Variants in C8orf34 observed in about 807,000 individuals in gnomAD.
C8orf34 encodes chromosome 8 open reading frame 34, also known as uncharacterized protein C8orf34.
Under a neutral mutation model 68.3 loss-of-function variants are expected in C8orf34, and 65 were observed. The ratio of observed to expected loss-of-function variants is 0.95; its 90% CI spans 0.78 to 1.17. C8orf34 has a LOEUF of 1.17. C8orf34 is among the 50% of genes most tolerant of loss of function. C8orf34 has a pLI of 0.00. For missense variants in C8orf34, 664 were observed against 655.4 expected, an observed-to-expected ratio of 1.01 and a Z score of -0.14; for synonymous variants, 244 against 241.2, an observed-to-expected ratio of 1.01 and a Z score of -0.11.
chr8:68,736,129 A>C (rs901800340), intron 10 of C8orf34, among the ~76,000 whole-genome samples: 1 of 152,200 alleles, frequency 6.6e-6, no homozygotes, highest in Non-Finnish European at 1.5e-5. Context: ...AAAGCATAAC[A>C]TCCTCATTTT....
At chr8:68,791,202 A>G in intron 12 of C8orf34, 2 of 393,610 alleles carry the variant, frequency 5.1e-6, no homozygotes, top group Non-Finnish European at 9.0e-6. Context: ...GGGAGGCCTC[A>G]GGAAACTTAC....
At chr8:68,785,207 A>G (rs1823811479) in intron 11 of C8orf34, among the ~76,000 whole-genome samples, 1 of 151,446 alleles carries the variant, frequency 6.6e-6, no homozygotes, top group Non-Finnish European at 1.5e-5. Flanking sequence ...CTGTCTCAGA[A>G]AAAAAAAAGA....
intron 7 of C8orf34, among the ~76,000 whole-genome samples, chr8:68,605,066 C>G (rs1817815727): frequency 1.3e-5 from 2 of 152,200 alleles, no homozygotes; most frequent in South Asian, 4.1e-4. Flanking sequence ...AGATACCTCA[C>G]CAAGGAAGAC....
In C8orf34 at chr8:68,533,034, T is replaced by C. The variant is rs935801215; in HGVS notation, c.990T>C (p.His330=). The change falls in exon 7 of 14, where the codon CAT becomes CAC. Residue 330 remains histidine, a synonymous_variant. Transcript: ENST00000518698. ...NKGLKQQQQQ[H]KKLLAAMLSQ... ...GATTAAAACAGCAGCAACAGCAACA[T>C]AAGAAACTCCTGGCCGCAATGCTCT... is the stretch of plus-strand genomic sequence containing the variant. 2.5e-6 allele frequency: 4 copies of C among 1,610,538 alleles called. No individual in the cohort carries two copies. The African/African-American group carries it at 4.0e-5, about 16-fold the overall frequency.
chr8:68,775,417 G>GT (rs1241389214), intron 10 of C8orf34, among the ~76,000 whole-genome samples: 1 of 152,134 alleles, frequency 6.6e-6, no homozygotes, highest in East Asian at 1.9e-4. Context: ...GCACCAAGTT[G>GT]TTTGACAATT....
At chr8:68,534,021 A>C (rs571589646) in intron 7 of C8orf34, 1 of 973,602 alleles carries the variant, frequency 1.0e-6, no homozygotes, top group African/African-American at 1.8e-5. Context: ...AGAATATGGA[A>C]TCTCAGAAAA....
chr8:68,686,097 A>G (rs965052289), intron 8 of C8orf34, among the ~76,000 whole-genome samples: 10 of 152,008 alleles, frequency 6.6e-5, no homozygotes, highest in African/African-American at 2.4e-4. Context: ...AGAAATAGAC[A>G]GACAAATAAC....
chr8:68,494,898 C>CTCTCAAAAAATATATATATA (rs1291459749), intron 5 of C8orf34, among the ~76,000 whole-genome samples: 4 of 150,530 alleles, frequency 2.7e-5, no homozygotes, highest in Admixed American at 1.3e-4. Flanking sequence ...ATATATATCT[C>CTCTCAAAAAATATATATATA]TCTCAAAAAA....
chr8:68,507,533 A>G (rs1814077054), intron 5 of C8orf34, among the ~76,000 whole-genome samples: 1 of 152,180 alleles, frequency 6.6e-6, no homozygotes, highest in African/African-American at 2.4e-5. Flanking sequence ...AATTGCACCT[A>G]GAGAGTGGGA....
chr8:68,499,779 A>C (rs1357236783), intron 5 of C8orf34, among the ~76,000 whole-genome samples: 5 of 152,176 alleles, frequency 3.3e-5, no homozygotes, highest in Non-Finnish European at 7.3e-5. Context: ...AAAAATCAAC[A>C]TCATGTGTCT....
rs1224756627 is a variant in C8orf34, at chr8:68,774,944, T to TAAAAAAAAAAAAAAAAAAAA, written c.1405-1451_1405-1432dup. On this transcript the variant is annotated intron_variant, in intron 10 of 13. Transcript: ENST00000518698. ...CAACATGATGAAACCCTGTCTCCAC[T>TAAAAAAAAAAAAAAAAAAAA]AAAAAAAAAAAAAAAAAAAAAAATT... Among the ~76,000 whole-genome samples the TAAAAAAAAAAAAAAAAAAAA allele has an allele frequency of 2.7e-4, 12 of 44,678 alleles. 1 individual carries two copies. Among genetic ancestry groups the TAAAAAAAAAAAAAAAAAAAA allele is most frequent in the Non-Finnish European group, 3.4e-4 (9 of 26,128 alleles). 29.3% of individuals were successfully genotyped at this position (44,678 alleles called of 152,430 possible).
At chr8:68,739,902 A>G (rs1283421540) in intron 10 of C8orf34, among the ~76,000 whole-genome samples, 2 of 152,200 alleles carry the variant, frequency 1.3e-5, no homozygotes, top group African/African-American at 2.4e-5. Flanking sequence ...TGGTACTGGT[A>G]CAAAAACAGA....
intron 7 of C8orf34, among the ~76,000 whole-genome samples, chr8:68,562,498 G>A (rs1816462940): frequency 6.6e-6 from 1 of 152,172 alleles, no homozygotes. Flanking sequence ...AGATTATTTG[G>A]AAGTTAGAAA....
intron 7 of C8orf34, among the ~76,000 whole-genome samples, chr8:68,638,201 T>C (rs1178259697): frequency 2.6e-5 from 4 of 152,306 alleles, no homozygotes; most frequent in Middle Eastern, 3.4e-3. Flanking sequence ...TGTAACCAGT[T>C]TATCTGTACC....
intron 1 of C8orf34, among the ~76,000 whole-genome samples, chr8:68,366,903 C>G (rs1213015697): frequency 3.5e-5 from 4 of 114,850 alleles, no homozygotes; most frequent in Non-Finnish European, 7.0e-5. Flanking sequence ...CAAATGGGAT[C>G]TAATTAAACT....
At chr8:68,524,957 T>C (rs901464474) in intron 6 of C8orf34, among the ~76,000 whole-genome samples, 2 of 152,278 alleles carry the variant, frequency 1.3e-5, no homozygotes, top group Admixed American at 6.5e-5. Flanking sequence ...CCATAAATAC[T>C]GTAGATCTGG....
At chr8:68,351,219 C>G (rs375648788) in intron 1 of C8orf34, among the ~76,000 whole-genome samples, 1 of 151,850 alleles carries the variant, frequency 6.6e-6, no homozygotes, top group South Asian at 2.1e-4. Context: ...CACTTAAAAA[C>G]CTTAGTTTGG....
intron 7 of C8orf34, among the ~76,000 whole-genome samples, chr8:68,550,652 G>A (rs760897274): frequency 6.6e-6 from 1 of 151,704 alleles, no homozygotes; most frequent in Non-Finnish European, 1.5e-5. Flanking sequence ...CTGAAAGAGA[G>A]GTCTACTGGC....
intron 6 of C8orf34, among the ~76,000 whole-genome samples, chr8:68,531,909 A>T (rs1352622909): frequency 6.6e-6 from 1 of 152,064 alleles, no homozygotes; most frequent in East Asian, 1.9e-4. Flanking sequence ...CTTCACTCCC[A>T]AAGTAGCAAG....
Sources: allele counts gnomAD v4.1 joint callset (sites outside exome capture counted in the v4.1 genomes callset), GRCh38; gene constraint gnomAD v4.1.1; transcripts MANE v1.5; gene names NCBI Gene and HGNC (gene_info 2026-07-23, HGNC 2026-07-21).